Variants in ADAM20 observed in about 807,000 individuals in gnomAD.
The protein encoded by ADAM20 is disintegrin and metalloproteinase domain-containing protein 20.
For missense variants in ADAM20, 871 were observed against 883.2 expected, an observed-to-expected ratio of 0.99 and a Z score of 0.18; for synonymous variants, 305 against 310.2, an observed-to-expected ratio of 0.98 and a Z score of 0.18.
chr14:70,538,880 C>A (rs1210949341), upstream of ADAM20, among the ~76,000 whole-genome samples: 2 of 152,212 alleles, frequency 1.3e-5, no homozygotes, highest in Non-Finnish European at 2.9e-5. Context: ...TCACTGCAAC[C>A]TCCACCTCCC....
At chr14:70,537,965 T>G (rs1421082259), upstream of ADAM20, among the ~76,000 whole-genome samples, 3 of 152,122 alleles carry the variant, frequency 2.0e-5, no homozygotes, top group African/African-American at 7.2e-5. Flanking sequence ...CTTGTACCCC[T>G]CATGAAATCC....
the ADAM20 span, among the ~76,000 whole-genome samples, chr14:70,571,144 T>C: frequency 1.3e-5 from 2 of 152,092 alleles, no homozygotes; most frequent in Non-Finnish European, 2.9e-5. Flanking sequence ...ACAGCTAACA[T>C]CATACTGAAT....
the ADAM20 span, among the ~76,000 whole-genome samples, chr14:70,563,147 C>A: frequency 6.6e-6 from 1 of 152,118 alleles, no homozygotes; most frequent in Admixed American, 6.5e-5. Flanking sequence ...ATGACCATAA[C>A]TGGACCAAAT....
rs1325744738 is a variant in ADAM20 at position 70,524,835 on chromosome 14, C to T, written c.-78G>A. ...TGAGGCACTGCTGGTCTGGCTCCTC[C>T]CTCTGAGCTGTTCAGGGTGCATGGC... On this transcript the variant is annotated 5_prime_UTR_variant, in exon 2 of 2. Transcript: ENST00000256389. The T allele has an allele frequency of 9.9e-6, 16 of 1,613,132 alleles. No individual in the cohort carries two copies. The highest frequency in any genetic ancestry group is 1.4e-5 in the Non-Finnish European group (16 of 1,179,932).
At chr14:70,578,892 A>C in the ADAM20 span, among the ~76,000 whole-genome samples, 1 of 152,094 alleles carries the variant, frequency 6.6e-6, no homozygotes, top group Non-Finnish European at 1.5e-5. Flanking sequence ...CTTTGTGTCT[A>C]TGTGCACTCA....
chr14:70,528,567 G>C (rs1440739204), intron 1 of ADAM20, among the ~76,000 whole-genome samples: 1 of 152,176 alleles, frequency 6.6e-6, no homozygotes, highest in Non-Finnish European at 1.5e-5. Flanking sequence ...TTCTTAGGAT[G>C]TGTTAAACAA....
Position 70,524,130 on chromosome 14 carries a change from C to T in ADAM20, c.628G>A (p.Glu210Lys). The T allele has an allele frequency of 6.2e-7, 1 of 1,613,842 alleles. No individual in the cohort carries two copies. Among genetic ancestry groups the T allele is most frequent in the Non-Finnish European group, 8.5e-7 (1 of 1,179,926 alleles). Residue 210 changes from glutamate to lysine, a missense_variant, in exon 2 of 2, where the codon GAG becomes AAG. Coordinates refer to ENST00000256389, the MANE Select transcript of ADAM20 (RefSeq NM_003814.5). ...VGWWTHQRFV[E>K]LVVVVDNIRY... is the part of the protein sequence containing the mutation. ...ATATTATCCACGACCACTACCAGCT[C>T]AACAAACCGCTGATGGGTCCACCAG...
At chr14:70,570,217 T>C in the ADAM20 span, among the ~76,000 whole-genome samples, 2 of 151,810 alleles carry the variant, frequency 1.3e-5, no homozygotes, top group South Asian at 4.1e-4. Context: ...CAACCTAAGG[T>C]CATATCTAAA....
the ADAM20 span, among the ~76,000 whole-genome samples, chr14:70,566,482 T>A: frequency 6.7e-6 from 1 of 148,538 alleles, no homozygotes; most frequent in Admixed American, 6.7e-5. Context: ...AAAAATCAAG[T>A]CACCAAAGAA....
rs556040216 is a variant in ADAM20 at position 70,526,876 on chromosome 14, T to C, written c.-176-1943A>G. 2.6e-5 allele frequency among the ~76,000 whole-genome samples: 4 copies of C among 152,264 alleles called. No homozygotes were observed. In the East Asian group the frequency reaches 7.7e-4, roughly 29 times the overall value. On this transcript the variant is annotated intron_variant, in intron 1 of 1. Coordinates refer to ENST00000256389, the MANE Select transcript of ADAM20 (RefSeq NM_003814.5). ...TTATGATCTCTCCCCTCACTCACAG[T>C]CACAGCCTAATTTTGTGTTTCTCAA... is the stretch of plus-strand genomic sequence containing the variant.
the ADAM20 span, among the ~76,000 whole-genome samples, chr14:70,558,173 A>C: frequency 6.6e-6 from 1 of 152,240 alleles, no homozygotes; most frequent in African/African-American, 2.4e-5. Context: ...TGGTAGAAGC[A>C]ATCAAAGCAA....
the ADAM20 span, among the ~76,000 whole-genome samples, chr14:70,545,139 GA>G: frequency 6.6e-6 from 1 of 152,190 alleles, no homozygotes; most frequent in Non-Finnish European, 1.5e-5. Flanking sequence ...AAGCTCCACT[GA>G]TCATCCCCAC....
chr14:70,554,088 G>A, the ADAM20 span, among the ~76,000 whole-genome samples: 1 of 152,108 alleles, frequency 6.6e-6, no homozygotes, highest in Admixed American at 6.5e-5. Context: ...TAAAATTGCA[G>A]GGTACAAAAA....
At chr14:70,527,853 A>C (rs1883623108) in intron 1 of ADAM20, among the ~76,000 whole-genome samples, 1 of 152,148 alleles carries the variant, frequency 6.6e-6, no homozygotes, top group Admixed American at 6.6e-5. Context: ...AGCTCCACAC[A>C]CAGCATATGC....
the ADAM20 span, among the ~76,000 whole-genome samples, chr14:70,564,365 G>A: frequency 2.6e-5 from 4 of 152,124 alleles, no homozygotes; most frequent in Non-Finnish European, 4.4e-5. Context: ...TAGATGCCTG[G>A]GACAGTTAAA....
chr14:70,540,073 G>A, the ADAM20 span, among the ~76,000 whole-genome samples: 1 of 152,270 alleles, frequency 6.6e-6, no homozygotes, highest in South Asian at 2.1e-4. Context: ...TAGAGATGGG[G>A]TTTCATCATG....
the ADAM20 span, among the ~76,000 whole-genome samples, chr14:70,546,309 C>A: frequency 1.3e-5 from 2 of 152,146 alleles, no homozygotes; most frequent in Non-Finnish European, 2.9e-5. Flanking sequence ...TGAGGATGTG[C>A]ACCCATGACA....
At chr14:70,543,487 A>G in the ADAM20 span, among the ~76,000 whole-genome samples, 1 of 152,172 alleles carries the variant, frequency 6.6e-6, no homozygotes. Flanking sequence ...TTCTATCTCA[A>G]CCAGTTGGGT....
At chr14:70,532,582 T>C (rs1295146599) in intron 1 of ADAM20, among the ~76,000 whole-genome samples, 2 of 152,322 alleles carry the variant, frequency 1.3e-5, no homozygotes, top group Middle Eastern at 3.4e-3. Context: ...TTAATTGTGA[T>C]TAAGTTCCCT....
Sources: gnomAD v4.1 joint callset for allele counts (sites outside exome capture counted in the v4.1 genomes callset) on GRCh38, gnomAD v4.1.1 for gene constraint, MANE v1.5 for transcripts, NCBI Gene and HGNC (gene_info 2026-07-23, HGNC 2026-07-21) for gene names.